The following SIGLEC6 variants were observed in gnomAD, a reference collection of about 807,000 sequenced individuals.
The protein encoded by SIGLEC6 is sialic acid-binding Ig-like lectin 6.
In SIGLEC6, 31 loss-of-function variants were observed where a neutral mutation model predicts 41.4. The ratio of observed to expected loss-of-function variants is 0.75; its 90% CI spans 0.56 to 1.01. SIGLEC6 has a LOEUF of 1.01. SIGLEC6 is among the 50% of genes least tolerant of loss of function. The pLI, the probability that SIGLEC6 is intolerant of heterozygous loss-of-function variation, is 0.00. For missense variants in SIGLEC6, 555 were observed against 558.6 expected (o/e 0.99, Z 0.06); for synonymous variants, 217 against 231.0 (o/e 0.94, Z 0.55).
chr19:51,520,233 G>C lies in SIGLEC6; in HGVS notation c.1211C>G (p.Thr404Arg). 6.3e-7 allele frequency: 1 copy of C among 1,593,694 alleles called. No individual in the cohort carries two copies. The highest frequency in any genetic ancestry group is 8.6e-7 in the Non-Finnish European group (1 of 1,165,010). The change falls in exon 8 of 8, where the codon ACA becomes AGA. Residue 404 changes from threonine (T) to arginine (R), a missense_variant. Coordinates refer to ENST00000425629, the MANE Select transcript of SIGLEC6 (RefSeq NM_001245.7). ...GSRGHQHQFQ[T>R]GIVSDHPAEA... ...AGCAGGGTGGTCTGAAACTATGCCT[G>C]TCTGGAACTGGTGCTGATGACCCTT...
At position 51,518,084 on chromosome 19, in the gene SIGLEC6, C is replaced by T. The variant is rs182273384; in HGVS notation, c.*1998G>A. ...AAAAATCTAATCTGGGATCACTTTC[C>T]TAATACCTGAATTATATGTTTTAGA... is the stretch of plus-strand genomic sequence containing the variant. On this transcript the variant is annotated 3_prime_UTR_variant, in exon 8 of 8. Coordinates refer to ENST00000425629, the MANE Select transcript of SIGLEC6 (RefSeq NM_001245.7). Among the ~76,000 whole-genome samples, 19 of 152,232 alleles carry T rather than the reference C, an allele frequency of 1.2e-4. No homozygotes were observed. The highest frequency in any genetic ancestry group is 1.9e-4 in the Non-Finnish European group (13 of 68,008).
At chr19:51,521,451 C>T (rs778112080) in intron 7 of SIGLEC6, among the ~76,000 whole-genome samples, 3 of 152,120 alleles carry the variant, frequency 2.0e-5, no homozygotes, top group Admixed American at 6.6e-5. Context: ...TTATGTTCCA[C>T]TCATGTCTTT....
chr19:51,531,091 C>A, intron 2 of SIGLEC6, 69 bp downstream of exon 2: 1 of 1,547,360 alleles, frequency 6.5e-7, no homozygotes, highest in Non-Finnish European at 8.7e-7. Flanking sequence ...AGACGGGGCT[C>A]CCGTCCCAGC....
intron 5 of SIGLEC6, among the ~76,000 whole-genome samples, chr19:51,528,795 ACATGGTGAAACCCTGTC>A (rs899591789): frequency 6.6e-6 from 1 of 152,100 alleles, no homozygotes; most frequent in African/African-American, 2.4e-5. Context: ...ATCCTGGCCA[ACATGGTGAAACCCTGTC>A]TCTACTCAAA....
At chr19:51,527,069 T>TCGGCA (rs1979349184) in intron 7 of SIGLEC6, among the ~76,000 whole-genome samples, 1 of 152,164 alleles carries the variant, frequency 6.6e-6, no homozygotes, top group Non-Finnish European at 1.5e-5. Context: ...CTACAACTCA[T>TCGGCA]TGGCATCCCT....
chr19:51,530,794 G>A lies in SIGLEC6; in HGVS notation c.593C>T (p.Ser198Leu), dbSNP rs371565589. 4.1e-5 allele frequency: 66 copies of A among 1,614,076 alleles called. No individual in the cohort carries two copies. In the Admixed American group the frequency reaches 4.2e-4, roughly 10 times the overall value. ...GGGCCGTGGGGTGATTGTGAGCACC[G>A]AGGACTGGGTGGTCCTGGGGCCCAG... ...TSLGPRTTQS[S>L]VLTITPRPQD... Residue 198 changes from serine (S) to leucine (L), a missense_variant, in exon 3 of 8, where the codon TCG (serine) becomes TTG (leucine). Physicochemically the swap from Ser to Leu is moderately radical, Grantham distance 145. Transcript: ENST00000425629.
chr19:51,520,207 C>T lies in SIGLEC6; in HGVS notation c.1237G>A (p.Glu413Lys), dbSNP rs1358089756. The change falls in exon 8 of 8, where the codon GAG (glutamate) becomes AAG (lysine). Residue 413 changes from glutamate to lysine, a missense_variant. Physicochemically the swap from Glu to Lys is moderately conservative, Grantham distance 56 (BLOSUM62 1). Transcript: ENST00000425629. ...QTGIVSDHPA[E>K]AGPISEDEQE... ...TCATCTTCTGAGATGGGGCCAGCCT[C>T]AGCAGGGTGGTCTGAAACTATGCCT... The T allele has an allele frequency of 1.9e-6, 3 of 1,607,008 alleles. No homozygotes were observed. The highest frequency in any genetic ancestry group is 2.6e-6 in the Non-Finnish European group (3 of 1,174,762).
chr19:51,529,042 C>T (rs184873315), intron 5 of SIGLEC6, among the ~76,000 whole-genome samples: 265 of 144,668 alleles, frequency 1.8e-3, no homozygotes, highest in Admixed American at 4.2e-3. Context: ...CACAGACGCA[C>T]ATGTGGACAC....
rs1384072727 is a variant in SIGLEC6 at position 51,518,867 on chromosome 19, G to A, written c.*1215C>T. On this transcript the variant is annotated 3_prime_UTR_variant, in exon 8 of 8. Transcript: ENST00000425629. Reference sequence around the variant, plus strand: ...TGTAGAGAGCCTTGAGCAGAAAGATGATGGATGGAAACCTTATTTTGGGGA... The same window carrying A: ...TGTAGAGAGCCTTGAGCAGAAAGATAATGGATGGAAACCTTATTTTGGGGA... 6.6e-6 allele frequency among the ~76,000 whole-genome samples: 1 copy of A among 152,160 alleles called. No homozygotes were observed. The highest frequency in any genetic ancestry group is 1.5e-5 in the Non-Finnish European group (1 of 68,022).
chr19:51,518,208 A>G lies in SIGLEC6; in HGVS notation c.*1874T>C, dbSNP rs2122251891. On this transcript the variant is annotated 3_prime_UTR_variant, in exon 8 of 8. Transcript: ENST00000425629. ...TCAGTCTTAAAATGTGTTTTCATTG[A>G]GTAGGCTTTCTAAAACAACATTTAT... Among the ~76,000 whole-genome samples, 1 of 152,358 alleles carries G rather than the reference A, an allele frequency of 6.6e-6. No individual in the cohort carries two copies. The highest frequency in any genetic ancestry group is 1.9e-4 in the East Asian group (1 of 5,196).
At chr19:51,527,195 C>G (rs1979376257) in intron 7 of SIGLEC6, among the ~76,000 whole-genome samples, 1 of 152,096 alleles carries the variant, frequency 6.6e-6, no homozygotes, top group Non-Finnish European at 1.5e-5. Flanking sequence ...ATTCAGAGAA[C>G]CTTGGTAAGA....
At chr19:51,525,318 A>G (rs1241441129) in intron 7 of SIGLEC6, among the ~76,000 whole-genome samples, 2 of 151,854 alleles carry the variant, frequency 1.3e-5, no homozygotes, top group East Asian at 3.9e-4. Context: ...CAAGTCTGCC[A>G]TTTTTTCTGC....
Position 51,530,874 on chromosome 19 carries a change from G to C in SIGLEC6, c.513C>G (p.Val171=). 1 of 1,613,908 alleles carries C rather than the reference G, an allele frequency of 6.2e-7. No individual in the cohort carries two copies. Among genetic ancestry groups the C allele is most frequent in the Non-Finnish European group, 8.5e-7 (1 of 1,179,992 alleles). ...AGATGGGGGGCGTCCCCTGCTCACAGACCCAGGGCACAGAGCAGGTCAGAT... is the reference window on the plus strand; with the variant it reads ...AGATGGGGGGCGTCCCCTGCTCACACACCCAGGGCACAGAGCAGGTCAGAT... ...PSNLTCSVPW[V]CEQGTPPIFS... Residue 171 remains valine, a synonymous_variant, in exon 3 of 8, where the codon GTC becomes GTG. Coordinates refer to ENST00000425629, the MANE Select transcript of SIGLEC6 (RefSeq NM_001245.7).
rs374583137 is a variant in SIGLEC6, at chr19:51,530,762, G to C, written c.625C>G (p.His209Asp). 4 of 1,614,032 alleles carry C rather than the reference G, an allele frequency of 2.5e-6. No individual in the cohort carries two copies. The highest frequency in any genetic ancestry group is 3.4e-6 in the Non-Finnish European group (4 of 1,180,006). The change falls in exon 3 of 8, where the codon CAC becomes GAC. Residue 209 changes from histidine to aspartate, a missense_variant. His to Asp is a moderately conservative substitution (Grantham distance 81, BLOSUM62 -1). Coordinates refer to ENST00000425629, the MANE Select transcript of SIGLEC6 (RefSeq NM_001245.7). ...VLTITPRPQDHSTNLTCQVTF... is the reference protein window; with the variant it reads ...VLTITPRPQDDSTNLTCQVTF... ...ACCTGACAGGTGAGGTTGGTGCTGT[G>C]GTCCTGGGGCCGTGGGGTGATTGTG...
At chr19:51,526,777 C>T (rs1979301106) in intron 7 of SIGLEC6, among the ~76,000 whole-genome samples, 1 of 152,138 alleles carries the variant, frequency 6.6e-6, no homozygotes, top group South Asian at 2.1e-4. Context: ...AGTAGAAACC[C>T]ATTCCAGGGA....
At position 51,530,789 on chromosome 19, in the gene SIGLEC6, G is replaced by C; in HGVS notation, c.598C>G (p.Leu200Val). ...TCCTGGGGCCGTGGGGTGATTGTGAGCACCGAGGACTGGGTGGTCCTGGGG... is the reference window on the plus strand; with the variant it reads ...TCCTGGGGCCGTGGGGTGATTGTGACCACCGAGGACTGGGTGGTCCTGGGG... ...LGPRTTQSSV[L>V]TITPRPQDHS... Residue 200 changes from leucine to valine, a missense_variant, in exon 3 of 8, where the codon CTC (leucine) becomes GTC (valine). Physicochemically the swap from Leu to Val is conservative, Grantham distance 32. Transcript: ENST00000425629. 6.2e-7 allele frequency: 1 copy of C among 1,614,106 alleles called. No individual in the cohort carries two copies. The highest frequency in any genetic ancestry group is 1.6e-4 in the Middle Eastern group (1 of 6,062).
In SIGLEC6 at chr19:51,531,234, G is replaced by T; in HGVS notation, c.353C>A (p.Ala118Glu). ...IRDARRRDNA[A>E]YFFRLKSKWM... ...TTTGGACTTCAACCGAAAGAAGTATGCAGCATTGTCCCTCCTCCGGGCATC... is the reference window on the plus strand; with the variant it reads ...TTTGGACTTCAACCGAAAGAAGTATTCAGCATTGTCCCTCCTCCGGGCATC... The change falls in exon 2 of 8, where the codon GCA becomes GAA. Residue 118 changes from alanine to glutamate, a missense_variant. Coordinates refer to ENST00000425629, the MANE Select transcript of SIGLEC6 (RefSeq NM_001245.7). The T allele has an allele frequency of 6.2e-7, 1 of 1,613,910 alleles. No individual in the cohort carries two copies. Among genetic ancestry groups the T allele is most frequent in the Middle Eastern group, 1.7e-4 (1 of 6,058 alleles).
At chr19:51,523,073 G>A (rs559282402) in intron 7 of SIGLEC6, among the ~76,000 whole-genome samples, 3 of 152,116 alleles carry the variant, frequency 2.0e-5, no homozygotes, top group East Asian at 1.9e-4. Context: ...CTAGGAGGTC[G>A]AAACTGCAGT....
chr19:51,521,290 A>C (rs1403972775), intron 7 of SIGLEC6, among the ~76,000 whole-genome samples: 1 of 152,248 alleles, frequency 6.6e-6, no homozygotes, highest in Non-Finnish European at 1.5e-5. Context: ...AAGAGGCAAT[A>C]CAAGAAATTA....
Sources: allele counts gnomAD v4.1 joint callset (sites outside exome capture counted in the v4.1 genomes callset), GRCh38; gene constraint gnomAD v4.1.1; transcripts MANE v1.5; gene names NCBI Gene and HGNC (gene_info 2026-07-23, HGNC 2026-07-21).